ASIC2: variants seen among roughly 807,000 people sequenced by gnomAD.
ASIC2 encodes the protein acid-sensing ion channel 2.
In ASIC2, 25 loss-of-function variants were observed where a neutral mutation model predicts 57.3. The ratio of observed to expected loss-of-function variants is 0.44; its 90% confidence interval spans 0.32 to 0.61. The LOEUF is 0.61. Ranked by LOEUF, ASIC2 falls within the 20% of genes least tolerant of loss-of-function variation. The probability of loss-of-function intolerance (pLI) is 0.06; values close to 1 mark genes in which losing one functional copy is unlikely to be tolerated. For synonymous variants in ASIC2, 319 were observed against 307.5 expected (o/e 1.04, Z -0.39); for missense variants, 641 against 738.1 (o/e 0.87, Z 1.52).
chr17:33,474,681 G>T (rs1036068927), intron 1 of ASIC2, among the ~76,000 whole-genome samples: 1 of 152,170 alleles, frequency 6.6e-6, no homozygotes, highest in East Asian at 1.9e-4. Context: ...GCTCCCTGTT[G>T]TCTGGCCTGA....
Position 33,292,873 on chromosome 17 carries a change from C to T in ASIC2, c.-758G>A. Reference sequence around the variant, plus strand: ...GCCTAAGTCCTGCCAGGCGCCCGCTCTCGCCTGGGGCTGAGAGCTTCTCAG... The same window carrying T: ...GCCTAAGTCCTGCCAGGCGCCCGCTTTCGCCTGGGGCTGAGAGCTTCTCAG... On this transcript the variant is annotated 5_prime_UTR_variant, in exon 1 of 10. Transcript: ENST00000225823. 1.0e-6 allele frequency: 1 copy of T among 985,564 alleles called. No homozygotes were observed. Among genetic ancestry groups the T allele is most frequent in the Non-Finnish European group, 1.2e-6 (1 of 830,000 alleles). The allele number at this position is 985,564 out of a possible 1,614,324, so 61.1% of individuals were successfully genotyped here. A position where few individuals can be genotyped will look rare whatever the true frequency, so the allele number is the denominator to read the frequency against.
intron 3 of ASIC2, among the ~76,000 whole-genome samples, chr17:33,043,619 C>T (rs906788624): frequency 1.3e-5 from 2 of 152,178 alleles, no homozygotes; most frequent in African/African-American, 4.8e-5. Context: ...TGGGAGGCTT[C>T]ATATGTAGAA....
intron 4 of ASIC2, 30 bp downstream of exon 4, chr17:33,028,212 G>GA (rs397708703): frequency 1.9e-6 from 3 of 1,611,920 alleles, no homozygotes; most frequent in Non-Finnish European, 2.5e-6. Context: ...AGATCCCAGG[G>GA]CCCTGTGGCC....
chr17:34,119,937 A>G (rs1426242433), intron 1 of ASIC2: 1 of 152,028 alleles, frequency 6.6e-6, no homozygotes, highest in African/African-American at 2.4e-5. Context: ...ACCAGCCAGA[A>G]CCCCTCATTC....
rs906137715 is a variant in ASIC2 at position 34,038,135 on chromosome 17, T to C, written c.555+117843A>G. 126 of 1,612,752 alleles carry C rather than the reference T, an allele frequency of 7.8e-5. No individual in the cohort carries two copies. In the African/African-American group the frequency reaches 1.5e-3, roughly 19 times the overall value. On this transcript the variant is annotated intron_variant, in intron 1 of 9. Transcript: ENST00000359872. ...TTTTATCTCTCCACACCCTGTACCA[T>C]TTTCTAAAAGAATATTACCTGGTTT...
intron 1 of ASIC2, among the ~76,000 whole-genome samples, chr17:34,075,823 CTTTTTTTTT>C (rs57703083): frequency 2.6e-5 from 2 of 77,538 alleles, no homozygotes; most frequent in African/African-American, 1.1e-4. Context: ...TTTCTTTTTC[CTTTTTTTTT>C]TTTTTTTTTT....
intron 1 of ASIC2, among the ~76,000 whole-genome samples, chr17:33,843,204 T>C (rs970278186): frequency 3.9e-5 from 6 of 152,208 alleles, no homozygotes; most frequent in African/African-American, 1.4e-4. Context: ...ACAAGGACCT[T>C]ATCAGGCTTA....
intron 3 of ASIC2, among the ~76,000 whole-genome samples, chr17:33,073,431 A>G (rs1261215868): frequency 6.6e-6 from 1 of 152,162 alleles, no homozygotes; most frequent in Non-Finnish European, 1.5e-5. Context: ...TTGGAATCTG[A>G]AAGGTCGGGG....
At chr17:34,022,197 C>T (rs1439168660) in intron 1 of ASIC2, among the ~76,000 whole-genome samples, 2 of 152,300 alleles carry the variant, frequency 1.3e-5, no homozygotes, top group East Asian at 3.9e-4. Context: ...AGACTCCTCT[C>T]TACCTCTGGT....
chr17:33,293,818 G>A (rs1905609319), upstream of ASIC2, among the ~76,000 whole-genome samples: 1 of 152,150 alleles, frequency 6.6e-6, no homozygotes, highest in Admixed American at 6.5e-5. Flanking sequence ...TGTTCCGTGT[G>A]TGTATGTGTG....
At chr17:33,015,435 G>C (rs2091800621) in intron 9 of ASIC2, among the ~76,000 whole-genome samples, 2 of 152,218 alleles carry the variant, frequency 1.3e-5, no homozygotes, top group African/African-American at 4.8e-5. Context: ...GCAGCTGTGG[G>C]ACTTTGGTCT....
chr17:34,117,286 G>A (rs1460844650), intron 1 of ASIC2, among the ~76,000 whole-genome samples: 1 of 152,178 alleles, frequency 6.6e-6, no homozygotes, highest in Non-Finnish European at 1.5e-5. Context: ...GAACAGCCCA[G>A]TTTGTGTGAC....
At chr17:33,718,169 T>A (rs1909279280) in intron 1 of ASIC2, among the ~76,000 whole-genome samples, 1 of 151,580 alleles carries the variant, frequency 6.6e-6, no homozygotes, top group African/African-American at 2.4e-5. Flanking sequence ...ATGCTTTAAA[T>A]CATCTCTAGT....
At chr17:33,033,443 G>A (rs917530724) in intron 3 of ASIC2, among the ~76,000 whole-genome samples, 5 of 152,190 alleles carry the variant, frequency 3.3e-5, no homozygotes, top group African/African-American at 9.6e-5. Flanking sequence ...TGGGAGCCCT[G>A]CCCCTTCCAA....
chr17:34,117,013 T>C (rs1163309984), intron 1 of ASIC2, among the ~76,000 whole-genome samples: 1 of 152,170 alleles, frequency 6.6e-6, no homozygotes, highest in Non-Finnish European at 1.5e-5. Context: ...TGATGTGTTC[T>C]GGCAGAGAAT....
At chr17:33,489,407 T>C (rs1229738953) in intron 1 of ASIC2, among the ~76,000 whole-genome samples, 1 of 152,222 alleles carries the variant, frequency 6.6e-6, no homozygotes, top group Admixed American at 6.5e-5. Context: ...AGCCCAGTAC[T>C]GCCTGATTCC....
chr17:33,356,204 T>A (rs933677018), intron 1 of ASIC2, among the ~76,000 whole-genome samples: 1 of 152,174 alleles, frequency 6.6e-6, no homozygotes, highest in Non-Finnish European at 1.5e-5. Flanking sequence ...ACACCTGGCC[T>A]GATTATAGAA....
chr17:34,099,742 GAAAGAAAGAAA>G (rs1567821650), intron 1 of ASIC2, among the ~76,000 whole-genome samples: 9 of 858 alleles, frequency 0.01, no homozygotes, highest in African/African-American at 0.013. Flanking sequence ...AGGAAAGAAA[GAAAGAAAGAAA>G]GAAAGAAAGA....
intron 1 of ASIC2, among the ~76,000 whole-genome samples, chr17:33,995,917 C>A (rs984646369): frequency 1.3e-5 from 2 of 152,140 alleles, no homozygotes; most frequent in Admixed American, 1.3e-4. Context: ...TTTTAAGGAA[C>A]TACCATACTG....
Sources: gnomAD v4.1 joint callset for allele counts (sites outside exome capture counted in the v4.1 genomes callset) on GRCh38, gnomAD v4.1.1 for gene constraint, MANE v1.5 for transcripts, NCBI Gene and HGNC (gene_info 2026-07-23, HGNC 2026-07-21) for gene names.